Variants in NR1I2 observed in about 807,000 individuals in gnomAD.
NR1I2 encodes nuclear receptor subfamily 1 group I member 2.
NR1I2 carries 42 observed loss-of-function variants against 43.3 expected under a neutral mutation model. The observed-to-expected ratio is 0.97, with a 90% confidence interval of 0.76 to 1.26. The LOEUF is 1.26. Ranked by LOEUF, NR1I2 falls within the 50% of genes most tolerant of loss-of-function variation. NR1I2 has a pLI of 0.00. For synonymous variants in NR1I2, 229 were observed against 215.0 expected (o/e 1.06, Z -0.57); for missense variants, 559 against 566.7 (o/e 0.99, Z 0.14).
intron 1 of NR1I2, among the ~76,000 whole-genome samples, chr3:119,789,752 T>C (rs1039905524): frequency 3.9e-5 from 6 of 152,320 alleles, no homozygotes; most frequent in African/African-American, 1.4e-4. Flanking sequence ...TCTCTCTGAG[T>C]GCACTGTGGC....
In NR1I2 at chr3:119,815,369, C is replaced by T. The variant is rs2229856; in HGVS notation, c.984C>T (p.Tyr328=). ...TGGAGCCCATGCTGAAATTCCACTA[C>T]ATGCTGAAGAAGCTGCAGCTGCATG... The change falls in exon 7 of 9, where the codon TAC becomes TAT. Residue 328 remains tyrosine (Y), a synonymous_variant. Transcript: ENST00000393716. The T allele has an allele frequency of 5.7e-4, 925 of 1,613,966 alleles. 6 individuals carry two copies. In the African/African-American group the frequency reaches 0.011, roughly 20 times the overall value.
At chr3:119,797,143 G>A (rs971462880) in intron 1 of NR1I2, among the ~76,000 whole-genome samples, 1 of 151,482 alleles carries the variant, frequency 6.6e-6, no homozygotes, top group Non-Finnish European at 1.5e-5. Context: ...CCTTTAATAG[G>A]GGATTTGGGG....
chr3:119,811,410 C>G (rs2055239305), intron 3 of NR1I2, 129 bp from the exon 4 acceptor site: 2 of 885,334 alleles, frequency 2.3e-6, no homozygotes, highest in Admixed American at 5.7e-5. Context: ...GGGAGAATTG[C>G]TTGTCACCAT....
intron 3 of NR1I2, chr3:119,810,499 A>C: frequency 2.3e-6 from 1 of 435,808 alleles, no homozygotes; most frequent in Non-Finnish European, 4.2e-6. Flanking sequence ...CCCCTTCATA[A>C]TTGTTGTAAT....
chr3:119,802,895 C>T (rs2055099538), intron 1 of NR1I2: 1 of 456,434 alleles, frequency 2.2e-6, no homozygotes, highest in Admixed American at 2.3e-5. Flanking sequence ...TAAATGAGTG[C>T]CATGTTCTGA....
Position 119,812,675 on chromosome 3 carries a change from A to C in NR1I2, c.520-11A>C. The stretch of plus-strand genomic sequence containing the variant: ...GTCTCTCCTCTGTCCACCTCCTGGC[A>C]TGTGTCCTAGCTGCCAGGGGTGCTT... On this transcript the variant is annotated splice_polypyrimidine_tract_variant and intron_variant, in intron 4 of 8. Coordinates refer to ENST00000393716, the MANE Select transcript of NR1I2 (RefSeq NM_003889.4). The C allele has an allele frequency of 6.2e-7, 1 of 1,613,588 alleles. No individual in the cohort carries two copies. The highest frequency in any genetic ancestry group is 1.1e-5 in the South Asian group (1 of 91,054).
At position 119,812,815 on chromosome 3, in the gene NR1I2, G is replaced by C. The variant is rs749007639; in HGVS notation, c.649G>C (p.Gly217Arg). The C allele has an allele frequency of 1.2e-5, 20 of 1,614,140 alleles. No homozygotes were observed. The highest frequency in any genetic ancestry group is 2.2e-5 in the East Asian group (1 of 44,900). ...TTTGAAGGTCTCTCTGCAGCTGCGG[G>C]GGGAGGATGGCAGTGTCTGGAACTA... Residue 217 changes from glycine (G) to arginine (R), a missense_variant, in exon 5 of 9, where the codon GGG (glycine) becomes CGG (arginine). By Grantham distance (125) the Gly-to-Arg change is moderately radical. Coordinates refer to ENST00000393716, the MANE Select transcript of NR1I2 (RefSeq NM_003889.4).
chr3:119,793,181 C>T (rs73854707), intron 1 of NR1I2, among the ~76,000 whole-genome samples: 6,644 of 152,210 alleles, frequency 0.044, 203 homozygotes, highest in Middle Eastern at 0.092. Flanking sequence ...TTCAGAAGCA[C>T]GAGCCAAACA....
At chr3:119,813,388 C>T (rs1165369799) in intron 5 of NR1I2, among the ~76,000 whole-genome samples, 1 of 152,004 alleles carries the variant, frequency 6.6e-6, no homozygotes, top group Non-Finnish European at 1.5e-5. Context: ...ATGGGGAGGG[C>T]GGGTGGTCCT....
At chr3:119,811,314 G>A in intron 3 of NR1I2, 3 of 527,784 alleles carry the variant, frequency 5.7e-6, no homozygotes, top group Non-Finnish European at 1.0e-5. Flanking sequence ...CTCCACTGCA[G>A]AGGGCAAAAC....
chr3:119,785,098 C>G (rs1197500495), intron 1 of NR1I2, among the ~76,000 whole-genome samples: 1 of 152,134 alleles, frequency 6.6e-6, no homozygotes, highest in Non-Finnish European at 1.5e-5. Context: ...CTTTGCCATT[C>G]AGCATAATGC....
intron 1 of NR1I2, chr3:119,782,694 A>C (rs1266850194): frequency 4.1e-6 from 5 of 1,207,076 alleles, no homozygotes; most frequent in Non-Finnish European, 6.2e-6. Context: ...GGATCAACTC[A>C]GTCCTGATTC....
chr3:119,782,789 A>G (rs2054792559), intron 1 of NR1I2: 1 of 1,614,140 alleles, frequency 6.2e-7, no homozygotes, highest in South Asian at 1.1e-5. Flanking sequence ...CACTTCAAGG[A>G]GGGGTCCCTC....
intron 1 of NR1I2, among the ~76,000 whole-genome samples, chr3:119,796,351 C>G (rs2054999144): frequency 6.6e-6 from 1 of 152,214 alleles, no homozygotes; most frequent in African/African-American, 2.4e-5. Context: ...AGACAGGGGA[C>G]TTGCAAGAGT....
At chr3:119,810,320 G>A in intron 3 of NR1I2, 126 bp downstream of exon 3, 1 of 1,393,880 alleles carries the variant, frequency 7.2e-7, no homozygotes, top group Non-Finnish European at 9.6e-7. Flanking sequence ...ACGTGCACAT[G>A]TGAGCTGGTG....
At chr3:119,802,795 T>C (rs373635771) in intron 1 of NR1I2, 22 of 434,996 alleles carry the variant, frequency 5.1e-5, no homozygotes, top group Middle Eastern at 3.4e-4. Context: ...TTATTTGGAA[T>C]ACATAACAGA....
At chr3:119,804,261 G>A (rs2055120734) in intron 1 of NR1I2, among the ~76,000 whole-genome samples, 1 of 150,104 alleles carries the variant, frequency 6.7e-6, no homozygotes, top group Admixed American at 6.6e-5. Flanking sequence ...TGTAGTCCCA[G>A]CTACTCGGGA....
At position 119,812,877 on chromosome 3, in the gene NR1I2, C is replaced by T. The variant is rs780510023; in HGVS notation, c.711C>T (p.Phe237=). 1.9e-6 allele frequency: 3 copies of T among 1,614,156 alleles called. No homozygotes were observed. The highest frequency in any genetic ancestry group is 1.1e-5 in the South Asian group (1 of 91,086). Residue 237 remains phenylalanine (F), a synonymous_variant, in exon 5 of 9, where the codon TTC becomes TTT. Coordinates refer to ENST00000393716, the MANE Select transcript of NR1I2 (RefSeq NM_003889.4). The stretch of plus-strand genomic sequence containing the variant: ...CCGACAGTGGCGGGAAAGAGATCTT[C>T]TCCCTGCTGCCCCACATGGCTGACA...
Position 119,817,183 on chromosome 3 carries a change from C to G in NR1I2, c.1276C>G (p.Gln426Glu), listed in dbSNP as rs56162473. 9.4e-5 allele frequency: 151 copies of G among 1,614,072 alleles called. No homozygotes were observed. The highest frequency in any genetic ancestry group is 1.2e-4 in the Non-Finnish European group (139 of 1,180,042). ...ACACCCCTTTGCTACGCCCCTCATG[C>G]AGGAGTTGTTCGGCATCACAGGTAG... The change falls in exon 9 of 9, where the codon CAG becomes GAG. Residue 426 changes from glutamine to glutamate, a missense_variant. Physicochemically the swap from Gln to Glu is conservative, Grantham distance 29 (BLOSUM62 2). Transcript: ENST00000393716.
Sources: allele counts gnomAD v4.1 joint callset (sites outside exome capture counted in the v4.1 genomes callset), GRCh38; gene constraint gnomAD v4.1.1; transcripts MANE v1.5; gene names NCBI Gene and HGNC (gene_info 2026-07-23, HGNC 2026-07-21).